The following LPP variants were observed in gnomAD, a reference collection of about 807,000 sequenced individuals.
LPP encodes the protein lipoma-preferred partner.
Under a neutral mutation model 60.4 loss-of-function variants are expected in LPP, and 38 were observed. That is an observed-to-expected ratio of 0.63 (90% confidence interval 0.49 to 0.83). The LOEUF is 0.83. Among genes scored for constraint, LPP ranks in the 40% least tolerant of loss-of-function variants. The pLI is 0.00. For synonymous variants in LPP, 328 were observed against 290.8 expected (o/e 1.13, Z -1.30); for missense variants, 902 against 783.6 (o/e 1.15, Z -1.80).
At chr3:188,749,558 G>A (rs1727402727) in intron 8 of LPP, among the ~76,000 whole-genome samples, 1 of 152,078 alleles carries the variant, frequency 6.6e-6, no homozygotes, top group African/African-American at 2.4e-5. Flanking sequence ...CCATCTTTGG[G>A]GCCAGTTCCA....
chr3:188,344,357 C>A (rs1273357604), intron 3 of LPP, among the ~76,000 whole-genome samples: 1 of 152,130 alleles, frequency 6.6e-6, no homozygotes, highest in Non-Finnish European at 1.5e-5. Flanking sequence ...TCTGTAATAA[C>A]CTGAATAGAA....
At chr3:188,712,606 C>G (rs1712020012) in intron 8 of LPP, 1 of 152,208 alleles carries the variant, frequency 6.6e-6, no homozygotes. Flanking sequence ...ATAGCATTGC[C>G]AAGCACTTCC....
intron 10 of LPP, 53 bp downstream of exon 10, chr3:188,866,431 C>T: frequency 7.5e-7 from 1 of 1,334,812 alleles, no homozygotes; most frequent in Non-Finnish European, 9.8e-7. Flanking sequence ...GGAGTCTGTT[C>T]TTACTGCTTG....
intron 8 of LPP, among the ~76,000 whole-genome samples, chr3:188,754,082 T>C (rs936072353): frequency 5.3e-5 from 8 of 152,220 alleles, no homozygotes; most frequent in African/African-American, 1.9e-4. Flanking sequence ...TGATGTGATA[T>C]GTGATATCTT....
At chr3:188,346,931 G>A (rs1014145576) in intron 3 of LPP, among the ~76,000 whole-genome samples, 7 of 152,150 alleles carry the variant, frequency 4.6e-5, no homozygotes, top group Admixed American at 3.9e-4. Context: ...AAACTATTGA[G>A]TGATATTTTA....
chr3:188,429,226 A>G (rs1461260893), intron 4 of LPP, among the ~76,000 whole-genome samples: 1 of 152,180 alleles, frequency 6.6e-6, no homozygotes, highest in African/African-American at 2.4e-5. Flanking sequence ...GCCCAGTTCA[A>G]TTTATATGTG....
intron 6 of LPP, among the ~76,000 whole-genome samples, chr3:188,549,381 A>G (rs1271816668): frequency 1.4e-5 from 2 of 141,546 alleles, no homozygotes; most frequent in African/African-American, 2.5e-5. Context: ...TGGTGGTTCT[A>G]CTTCTCTATT....
intron 3 of LPP, among the ~76,000 whole-genome samples, chr3:188,344,958 C>T (rs186901826): frequency 1.1e-3 from 166 of 152,200 alleles, no homozygotes; most frequent in Admixed American, 1.4e-3. Context: ...TTGATTTTTC[C>T]AGAGCAAATC....
intron 9 of LPP, among the ~76,000 whole-genome samples, chr3:188,767,272 A>G (rs28665193): frequency 6.6e-6 from 1 of 152,184 alleles, no homozygotes; most frequent in Non-Finnish European, 1.5e-5. Context: ...GAAGAAAAGT[A>G]CCATTCAGTA....
At position 188,812,971 on chromosome 3, in the gene LPP, C is replaced by A. The variant is rs1044151775; in HGVS notation, c.1410+52689C>A. ...CAGGGAAAGGGAAGGAGAATGGACC[C>A]AAACTAATAAAAGGATTGATCAGTG... is the stretch of plus-strand genomic sequence containing the variant. On this transcript the variant is annotated intron_variant, in intron 9 of 11. Coordinates refer to ENST00000617246, the MANE Select transcript of LPP (RefSeq NM_001375462.1). 6.3e-4 allele frequency among the ~76,000 whole-genome samples: 96 copies of A among 152,090 alleles called. 1 individual carries two copies. The highest frequency in any genetic ancestry group is 2.1e-3 in the Admixed American group (32 of 15,276).
intron 5 of LPP, among the ~76,000 whole-genome samples, chr3:188,506,642 A>G (rs1017850999): frequency 1.3e-5 from 2 of 152,168 alleles, no homozygotes; most frequent in Non-Finnish European, 2.9e-5. Flanking sequence ...TCATGGTGAC[A>G]CAGTTACTAG....
intron 6 of LPP, among the ~76,000 whole-genome samples, chr3:188,595,506 T>G (rs2151149500): frequency 6.6e-6 from 1 of 152,278 alleles, no homozygotes; most frequent in East Asian, 1.9e-4. Context: ...TTGGTCACCT[T>G]GTACCATGGT....
intron 3 of LPP, among the ~76,000 whole-genome samples, chr3:188,369,075 C>T (rs1772211979): frequency 6.6e-6 from 1 of 151,966 alleles, no homozygotes. Context: ...GATTCTCTCT[C>T]CTCCCACCCC....
At chr3:188,495,894 A>G (rs1810044664) in intron 5 of LPP, among the ~76,000 whole-genome samples, 1 of 152,210 alleles carries the variant, frequency 6.6e-6, no homozygotes, top group Non-Finnish European at 1.5e-5. Context: ...CTCTGAATAT[A>G]GTACTTTGAA....
intron 8 of LPP, among the ~76,000 whole-genome samples, chr3:188,730,767 A>G (rs1316766598): frequency 6.6e-6 from 1 of 152,218 alleles, no homozygotes; most frequent in African/African-American, 2.4e-5. Context: ...TAAAACCATC[A>G]TGTTAGCAAA....
chr3:188,880,518 G>C lies in LPP; in HGVS notation c.*6039G>C, dbSNP rs201774734. ...TACAAACACCTACATATACTAGAGAGGGGTGAAACACTGCAGCTAATTCCT... is the reference window on the plus strand; with the variant it reads ...TACAAACACCTACATATACTAGAGACGGGTGAAACACTGCAGCTAATTCCT... On this transcript the variant is annotated 3_prime_UTR_variant, in exon 12 of 12. Transcript: ENST00000617246. The C allele has an allele frequency of 1.5e-4, 29 of 189,068 alleles. 1 individual carries two copies. In the East Asian group the frequency reaches 2.4e-3, roughly 16 times the overall value. 11.7% of individuals were successfully genotyped at this position (189,068 alleles called of 1,614,324 possible).
intron 3 of LPP, among the ~76,000 whole-genome samples, chr3:188,381,746 A>G (rs1776955646): frequency 6.6e-6 from 1 of 152,152 alleles, no homozygotes; most frequent in Non-Finnish European, 1.5e-5. Flanking sequence ...TTAAAGCTGG[A>G]GATTAGAAGA....
intron 4 of LPP, among the ~76,000 whole-genome samples, chr3:188,474,734 A>AT (rs1802748493): frequency 6.6e-6 from 1 of 152,010 alleles, no homozygotes; most frequent in Non-Finnish European, 1.5e-5. Flanking sequence ...GAATTTTTAG[A>AT]TTTTTGTTTC....
chr3:188,290,562 A>C lies in LPP; in HGVS notation c.-66-51101A>C, dbSNP rs148819785. Among the ~76,000 whole-genome samples the C allele has an allele frequency of 8.5e-5, 13 of 152,190 alleles. No homozygotes were observed. The East Asian group carries it at 2.5e-3, about 29-fold the overall frequency. On this transcript the variant is annotated intron_variant, in intron 2 of 11. Coordinates refer to ENST00000617246, the MANE Select transcript of LPP (RefSeq NM_001375462.1). Reference sequence around the variant, plus strand: ...TACAGCCACCGAGAAGGACAGGTACACAGTGAATAGTTTAGGACTGTTCAT... The same window carrying C: ...TACAGCCACCGAGAAGGACAGGTACCCAGTGAATAGTTTAGGACTGTTCAT...
Sources: allele counts gnomAD v4.1 joint callset (sites outside exome capture counted in the v4.1 genomes callset), GRCh38; gene constraint gnomAD v4.1.1; transcripts MANE v1.5; gene names NCBI Gene and HGNC (gene_info 2026-07-23, HGNC 2026-07-21).